Variants in PCDHGB1 observed in about 807,000 individuals in gnomAD.
PCDHGB1 encodes protocadherin gamma subfamily B, 1, also known as protocadherin gamma-B1.
Under a neutral mutation model 56.6 loss-of-function variants are expected in PCDHGB1, and 34 were observed. The observed-to-expected ratio is 0.60, with a 90% CI of 0.46 to 0.80. The LOEUF (loss-of-function observed/expected upper bound fraction) is 0.80. Among genes scored for constraint, PCDHGB1 ranks in the 30% least tolerant of loss-of-function variants. PCDHGB1 has a pLI of 0.00. For synonymous variants in PCDHGB1, 561 were observed against 505.9 expected, an observed-to-expected ratio of 1.11 and a Z score of -1.46; for missense variants, 1,278 against 1,204.6, an observed-to-expected ratio of 1.06 and a Z score of -0.90.
At chr5:141,380,084 G>C (rs1452303755) in intron 1 of PCDHGB1, among the ~76,000 whole-genome samples, 1 of 151,830 alleles carries the variant, frequency 6.6e-6, no homozygotes, top group Non-Finnish European at 1.5e-5. Flanking sequence ...ACTTTTAGTA[G>C]AGATGGGGTT....
chr5:141,371,025 G>T (rs752262300), intron 1 of PCDHGB1: 9 of 1,613,988 alleles, frequency 5.6e-6, no homozygotes, highest in African/African-American at 1.3e-5. Flanking sequence ...TCACCACCTG[G>T]TCCTCACAGC....
chr5:141,389,487 C>T (rs997165354), intron 1 of PCDHGB1: 2 of 1,612,906 alleles, frequency 1.2e-6, no homozygotes, highest in African/African-American at 1.3e-5. Context: ...GGCCCGCGAC[C>T]AGGGCTCGCC....
At chr5:141,429,396 T>A (rs2097212352) in intron 1 of PCDHGB1, among the ~76,000 whole-genome samples, 1 of 151,520 alleles carries the variant, frequency 6.6e-6, no homozygotes, top group African/African-American at 2.4e-5. Context: ...TTAAAAAAAA[T>A]TGAGATTAAG....
chr5:141,419,735 G>T (rs1013306543), intron 1 of PCDHGB1: 1 of 1,613,806 alleles, frequency 6.2e-7, no homozygotes, highest in Non-Finnish European at 8.5e-7. Context: ...AACAGGCGAG[G>T]TGCGCATGGT....
intron 1 of PCDHGB1, among the ~76,000 whole-genome samples, chr5:141,454,730 A>C (rs2098797371): frequency 6.7e-6 from 1 of 150,092 alleles, no homozygotes; most frequent in Admixed American, 6.7e-5. Context: ...TATATGTTAT[A>C]GGATGAAAAG....
intron 1 of PCDHGB1, chr5:141,357,097 C>T (rs766673132): frequency 6.2e-7 from 1 of 1,613,858 alleles, no homozygotes; most frequent in Admixed American, 1.7e-5. Context: ...ACGGGCCCTG[C>T]TGGACAGAGA....
chr5:141,476,158 G>A lies in PCDHGB1; in HGVS notation c.2410-18649G>A. 2 of 1,612,868 alleles carry A rather than the reference G, an allele frequency of 1.2e-6. No homozygotes were observed. Among genetic ancestry groups the A allele is most frequent in the Non-Finnish European group, 1.7e-6 (2 of 1,179,894 alleles). On this transcript the variant is annotated intron_variant, in intron 1 of 3. Transcript: ENST00000523390. The surrounding 1 kb of genome is among the most constrained non-coding windows in gnomAD (Gnocchi z 7.6). ...GGAGGAGCGGACTGGTAAGCACCGGGAGGGTAGTGGGAGTTTTGCTTCTGC... is the reference window on the plus strand; with the variant it reads ...GGAGGAGCGGACTGGTAAGCACCGGAAGGGTAGTGGGAGTTTTGCTTCTGC...
In PCDHGB1 at chr5:141,404,772, G is replaced by A. The variant is rs764262966; in HGVS notation, c.2409+52103G>A. On this transcript the variant is annotated intron_variant, in intron 1 of 3. Transcript: ENST00000523390. ...GGCCAGAATGCTTGGCTCTCCTACC[G>A]CCTATTCAAGGCCAGTGAGCCAGGG... The A allele has an allele frequency of 9.9e-6, 16 of 1,613,820 alleles. No individual in the cohort carries two copies. The highest frequency in any genetic ancestry group is 5.0e-5 in the Admixed American group (3 of 60,000).
At chr5:141,481,390 G>A (rs553179819) in intron 1 of PCDHGB1, among the ~76,000 whole-genome samples, 2 of 152,346 alleles carry the variant, frequency 1.3e-5, no homozygotes, top group East Asian at 3.9e-4. Context: ...TTGGAGGGAT[G>A]TGACAAAATT....
chr5:141,504,561 T>G (rs1023434942), intron 2 of PCDHGB1, among the ~76,000 whole-genome samples: 1 of 150,052 alleles, frequency 6.7e-6, no homozygotes, highest in Non-Finnish European at 1.5e-5. Context: ...GGGACTGGCA[T>G]TCTAGGGAAC....
Position 141,350,384 on chromosome 5 carries a change from G to A in PCDHGB1, c.124G>A (p.Gly42Ser). 1 of 1,591,394 alleles carries A rather than the reference G, an allele frequency of 6.3e-7. No homozygotes were observed. Among genetic ancestry groups the A allele is most frequent in the East Asian group, 2.2e-5 (1 of 44,572 alleles). Reference sequence around the variant, plus strand: ...CACGATTCCAGAGGAGCTAGCCAACGGCTCACGGGTGGGGAAACTTGCCAA... The same window carrying A: ...CACGATTCCAGAGGAGCTAGCCAACAGCTCACGGGTGGGGAAACTTGCCAA... ...RYTIPEELAN[G>S]SRVGKLAKDL... The change falls in exon 1 of 4, where the codon GGC becomes AGC. Residue 42 changes from glycine to serine, a missense_variant. By Grantham distance (56) the Gly-to-Ser change is moderately conservative. Coordinates refer to ENST00000523390, the MANE Select transcript of PCDHGB1 (RefSeq NM_018922.3).
intron 1 of PCDHGB1, chr5:141,383,858 A>C (rs1368399969): frequency 1.2e-6 from 2 of 1,613,996 alleles, no homozygotes. Flanking sequence ...ATGGAGGTTC[A>C]GGCTCAAGAT....
At position 141,489,748 on chromosome 5, in the gene PCDHGB1, T is replaced by C. The variant is rs763688648; in HGVS notation, c.2410-5059T>C. On this transcript the variant is annotated intron_variant, in intron 1 of 3. Transcript: ENST00000523390. The surrounding 1 kb of genome is among the most constrained non-coding windows in gnomAD (Gnocchi z 4.5). ...TGTGGGCACCAATACTGTGAGCTTT[T>C]ACACTCTAAGCCCCAACAGCCACTT... is the stretch of plus-strand genomic sequence containing the variant. The C allele has an allele frequency of 1.8e-5, 29 of 1,614,038 alleles. No homozygotes were observed. Among genetic ancestry groups the C allele is most frequent in the Non-Finnish European group, 1.6e-5 (19 of 1,180,010 alleles).
chr5:141,357,095 T>C (rs1263482275), intron 1 of PCDHGB1: 4 of 1,613,868 alleles, frequency 2.5e-6, no homozygotes, highest in Admixed American at 3.3e-5. Context: ...GCACGGGCCC[T>C]GCTGGACAGA....
intron 3 of PCDHGB1, among the ~76,000 whole-genome samples, chr5:141,506,598 G>A (rs1056005258): frequency 6.6e-6 from 1 of 152,130 alleles, no homozygotes; most frequent in Non-Finnish European, 1.5e-5. Context: ...CAGTATTAAC[G>A]GATCTCATTG....
intron 1 of PCDHGB1, chr5:141,357,665 CAA>C (rs1263255857): frequency 5.0e-6 from 8 of 1,599,428 alleles, no homozygotes; most frequent in Non-Finnish European, 6.0e-6. Context: ...GAAATATAGA[CAA>C]AGAGTTGTGT....
At chr5:141,365,626 C>T in intron 1 of PCDHGB1, 2 of 1,613,678 alleles carry the variant, frequency 1.2e-6, no homozygotes, top group Non-Finnish European at 8.5e-7. Flanking sequence ...CCCCGCCCCT[C>T]TCTACAGAAA....
At position 141,489,257 on chromosome 5, in the gene PCDHGB1, T is replaced by TC. The variant is rs773157586; in HGVS notation, c.2410-5547dup. The stretch of plus-strand genomic sequence containing the variant: ...TTCTGGGTCATGGGGCCCAAGACAC[T>TC]CCCACAGCTCGCTGGGAAATGGCAA... On this transcript the variant is annotated intron_variant, in intron 1 of 3. Coordinates refer to ENST00000523390, the MANE Select transcript of PCDHGB1 (RefSeq NM_018922.3). The surrounding 1 kb of genome is among the most constrained non-coding windows in gnomAD (Gnocchi z 4.5). 1 of 1,550,308 alleles carries TC rather than the reference T, an allele frequency of 6.5e-7. No homozygotes were observed. Among genetic ancestry groups the TC allele is most frequent in the Non-Finnish European group, 8.7e-7 (1 of 1,148,342 alleles).
intron 3 of PCDHGB1, among the ~76,000 whole-genome samples, chr5:141,506,948 G>A (rs949082646): frequency 6.6e-6 from 1 of 152,162 alleles, no homozygotes; most frequent in Non-Finnish European, 1.5e-5. Flanking sequence ...TCCTGTCAAT[G>A]AATCCTCTCA....
Sources: gnomAD v4.1 joint callset for allele counts (sites outside exome capture counted in the v4.1 genomes callset) on GRCh38, gnomAD v4.1.1 for gene constraint, Gnocchi (gnomAD v3.1) non-coding constraint, MANE v1.5 for transcripts, NCBI Gene and HGNC (gene_info 2026-07-23, HGNC 2026-07-21) for gene names.